Variants in EPB41L2 observed in about 807,000 individuals in gnomAD.
EPB41L2 encodes the protein erythrocyte membrane protein band 4.1 like 2.
A neutral mutation model predicts 113.0 loss-of-function variants in EPB41L2; 43 were observed. That is an observed-to-expected ratio of 0.38 (90% CI 0.30 to 0.49). The LOEUF (loss-of-function observed/expected upper bound fraction) is 0.49, where lower values mean the gene tolerates loss of function less well. Among genes scored for constraint, EPB41L2 ranks in the 20% least tolerant of loss-of-function variants. The pLI, the probability that EPB41L2 is intolerant of heterozygous loss-of-function variation, is 0.95. For synonymous variants in EPB41L2, 442 were observed against 436.7 expected, an observed-to-expected ratio of 1.01 and a Z score of -0.15; for missense variants, 1,147 against 1,223.4, an observed-to-expected ratio of 0.94 and a Z score of 0.93.
chr6:130,915,353 G>A (rs1800695481), intron 4 of EPB41L2, among the ~76,000 whole-genome samples: 1 of 152,180 alleles, frequency 6.6e-6, no homozygotes, highest in South Asian at 2.1e-4. Flanking sequence ...CATGAAATTG[G>A]GAGGTAATGA....
intron 3 of EPB41L2, among the ~76,000 whole-genome samples, chr6:130,941,079 G>A (rs1286568037): frequency 6.6e-6 from 1 of 151,542 alleles, no homozygotes; most frequent in East Asian, 1.9e-4. Context: ...CAATATCTGG[G>A]GATAAAAATT....
chr6:131,061,656 A>T (rs961530662), intron 1 of EPB41L2, among the ~76,000 whole-genome samples: 1 of 152,224 alleles, frequency 6.6e-6, no homozygotes, highest in African/African-American at 2.4e-5. Flanking sequence ...TCAAAGCTTG[A>T]GAATTCTAAA....
chr6:130,864,173 G>C (rs1235843030), intron 17 of EPB41L2, among the ~76,000 whole-genome samples: 1 of 152,154 alleles, frequency 6.6e-6, no homozygotes, highest in Non-Finnish European at 1.5e-5. Context: ...TTAGGTATCT[G>C]TTTTTGGTTT....
At chr6:130,865,504 T>C (rs1338163418) in intron 17 of EPB41L2, 32 bp downstream of exon 17, 1 of 1,591,970 alleles carries the variant, frequency 6.3e-7, no homozygotes, top group Admixed American at 1.7e-5. Flanking sequence ...TAATGTACCA[T>C]CCTCTCCATA....
rs1336919061 is a variant in EPB41L2, at chr6:131,013,352, A to T, written c.-15+49803T>A. 2.0e-5 allele frequency among the ~76,000 whole-genome samples: 3 copies of T among 152,162 alleles called. No homozygotes were observed. The East Asian group carries it at 5.8e-4, about 29-fold the overall frequency. On this transcript the variant is annotated intron_variant, in intron 1 of 19. Coordinates refer to ENST00000337057, the MANE Select transcript of EPB41L2 (RefSeq NM_001431.4). ...AAAACATGGATTACCAACCAAGCAC[A>T]TGGCTATAATAAAAGCAAAATATAA...
Position 130,895,119 on chromosome 6 carries a change from C to T in EPB41L2, c.1237G>A (p.Asp413Asn). 2 of 1,607,028 alleles carry T rather than the reference C, an allele frequency of 1.2e-6. No individual in the cohort carries two copies. The highest frequency in any genetic ancestry group is 1.7e-6 in the Non-Finnish European group (2 of 1,176,178). The stretch of plus-strand genomic sequence containing the variant: ...AGCTTGATGTCCACACCTTCTGAGT[C>T]CTGCCAAGCATAACCCAATTAACCA... ...MYGVDLHHAK[D>N]SEGVDIKLGV... Residue 413 changes from aspartate to asparagine, a missense_variant and splice_region_variant, in exon 9 of 20, where the codon GAC becomes AAC. Physicochemically the swap from Asp to Asn is conservative, Grantham distance 23. Coordinates refer to ENST00000337057, the MANE Select transcript of EPB41L2 (RefSeq NM_001431.4).
chr6:130,841,164 C>T (rs1369547449), intron 19 of EPB41L2, among the ~76,000 whole-genome samples: 1 of 137,142 alleles, frequency 7.3e-6, no homozygotes, highest in Admixed American at 7.6e-5. Flanking sequence ...AATAAAGGTA[C>T]AAAATATTAG....
chr6:130,992,315 C>T (rs767851679), intron 1 of EPB41L2, among the ~76,000 whole-genome samples: 34 of 152,130 alleles, frequency 2.2e-4, no homozygotes, highest in Admixed American at 1.2e-3. Flanking sequence ...CAGCATCCTT[C>T]TCCTTACCAC....
Position 130,869,994 on chromosome 6 carries a change from C to T in EPB41L2, c.2176G>A (p.Val726Met), listed in dbSNP as rs1252867186. ...GAGTCTTTTTGTGTCACAGGCTCCA[C>T]CTTACGAATCTCCCCAGGACCACTC... ...PGSGPGEIRK[V>M]EPVTQKDSTS... The change falls in exon 15 of 20, where the codon GTG becomes ATG. Residue 726 changes from valine to methionine, a missense_variant. Transcript: ENST00000337057. 6.2e-7 allele frequency: 1 copy of T among 1,613,854 alleles called. No individual in the cohort carries two copies. Among genetic ancestry groups the T allele is most frequent in the Non-Finnish European group, 8.5e-7 (1 of 1,180,012 alleles).
intron 3 of EPB41L2, among the ~76,000 whole-genome samples, chr6:130,954,036 CTTTCTTTTTTTTT>C (rs1816352522): frequency 4.4e-5 from 2 of 45,520 alleles, no homozygotes; most frequent in African/African-American, 1.2e-4. Context: ...TAGTCCTTTT[CTTTCTTTTTTTTT>C]TTTTTTTTTT....
At chr6:130,876,882 A>G in intron 14 of EPB41L2, 11 of 444,818 alleles carry the variant, frequency 2.5e-5, no homozygotes, top group Non-Finnish European at 3.6e-5. Context: ...GACACACACC[A>G]GGAGAAGTGG....
intron 19 of EPB41L2, among the ~76,000 whole-genome samples, chr6:130,852,471 C>G (rs985801525): frequency 6.6e-6 from 1 of 152,144 alleles, no homozygotes; most frequent in African/African-American, 2.4e-5. Context: ...GCAGAGAAGA[C>G]CAGCCATAGT....
At chr6:130,894,863 T>C (rs761235840) in intron 9 of EPB41L2, 104 bp downstream of exon 9, 1 of 1,208,246 alleles carries the variant, frequency 8.3e-7, no homozygotes, top group Non-Finnish European at 1.1e-6. Context: ...GAAGAATAAA[T>C]AGTTTATTTT....
intron 18 of EPB41L2, among the ~76,000 whole-genome samples, chr6:130,858,676 C>T (rs1781047338): frequency 6.6e-6 from 1 of 152,256 alleles, no homozygotes; most frequent in Non-Finnish European, 1.5e-5. Flanking sequence ...TCAGGTGATA[C>T]TAGCTGTCAC....
At chr6:130,970,212 C>T (rs1255187452) in intron 1 of EPB41L2, 1 of 152,202 alleles carries the variant, frequency 6.6e-6, no homozygotes, top group Non-Finnish European at 1.5e-5. Context: ...CAGAAACAAA[C>T]AAGCATGTAT....
intron 1 of EPB41L2, chr6:130,970,501 G>A (rs571968341): frequency 2.6e-5 from 4 of 152,264 alleles, no homozygotes; most frequent in Non-Finnish European, 5.9e-5. Context: ...AAAGAAAAAA[G>A]TCAGCTTCCT....
At chr6:131,031,308 A>T (rs909717517) in intron 1 of EPB41L2, among the ~76,000 whole-genome samples, 1 of 151,658 alleles carries the variant, frequency 6.6e-6, no homozygotes, top group Non-Finnish European at 1.5e-5. Context: ...TTTTTTTTTT[A>T]AAAAGCCATA....
intron 1 of EPB41L2, among the ~76,000 whole-genome samples, chr6:131,049,009 T>C (rs1455775213): frequency 6.6e-6 from 1 of 152,220 alleles, no homozygotes; most frequent in Non-Finnish European, 1.5e-5. Flanking sequence ...TTCTAGAATC[T>C]ACCCTCTTTC....
intron 19 of EPB41L2, among the ~76,000 whole-genome samples, chr6:130,843,429 C>A (rs1562273018): frequency 6.6e-6 from 1 of 152,166 alleles, no homozygotes; most frequent in Non-Finnish European, 1.5e-5. Context: ...ACATTCTTTT[C>A]TTTCTCTAAG....
Sources: allele counts gnomAD v4.1 joint callset (sites outside exome capture counted in the v4.1 genomes callset), GRCh38; gene constraint gnomAD v4.1.1; transcripts MANE v1.5; gene names NCBI Gene and HGNC (gene_info 2026-07-23, HGNC 2026-07-21).